The following MICAL3 variants were observed in gnomAD, a reference collection of about 807,000 sequenced individuals.
The protein encoded by MICAL3 is microtubule associated monooxygenase, calponin and LIM domain containing 3.
In MICAL3, 62 loss-of-function variants were observed where a neutral mutation model predicts 207.4. The ratio of observed to expected loss-of-function variants is 0.30; its 90% CI spans 0.24 to 0.37. The LOEUF (loss-of-function observed/expected upper bound fraction) is 0.37, where lower values mean the gene tolerates loss of function less well. Ranked by LOEUF, MICAL3 falls within the 10% of genes least tolerant of loss-of-function variation. The probability of loss-of-function intolerance (pLI) is 1.00; values close to 1 mark genes in which losing one functional copy is unlikely to be tolerated. For missense variants in MICAL3, 2,368 were observed against 2,635.6 expected, an observed-to-expected ratio of 0.90 and a Z score of 2.22; for synonymous variants, 1,077 against 1,069.3, an observed-to-expected ratio of 1.01 and a Z score of -0.14.
chr22:17,910,782 C>A (rs1488974718), intron 1 of MICAL3, among the ~76,000 whole-genome samples: 1 of 152,238 alleles, frequency 6.6e-6, no homozygotes, highest in Non-Finnish European at 1.5e-5. Context: ...GCTCTGACAA[C>A]AGCCGGGAAG....
chr22:17,996,519 G>A (rs1197077627), intron 1 of MICAL3, among the ~76,000 whole-genome samples: 1 of 151,222 alleles, frequency 6.6e-6, no homozygotes, highest in Non-Finnish European at 1.5e-5. Context: ...CAGTTTTTTT[G>A]TGTCTTTATA....
chr22:17,997,992 T>C (rs934789402), intron 1 of MICAL3, among the ~76,000 whole-genome samples: 13 of 151,578 alleles, frequency 8.6e-5, no homozygotes, highest in Admixed American at 2.0e-4. Context: ...AAGGTCTCAG[T>C]GAAGTGAAAC....
At chr22:17,890,943 G>T (rs532464398) in intron 12 of MICAL3, among the ~76,000 whole-genome samples, 1 of 152,304 alleles carries the variant, frequency 6.6e-6, no homozygotes, top group Admixed American at 6.5e-5. Flanking sequence ...TAGGTGGGTA[G>T]GACAACAGAG....
At chr22:17,934,997 T>C (rs1388634328) in intron 1 of MICAL3, among the ~76,000 whole-genome samples, 3 of 152,154 alleles carry the variant, frequency 2.0e-5, no homozygotes, top group Admixed American at 1.3e-4. Context: ...TGCTCATGGA[T>C]AGGAAGAATC....
intron 1 of MICAL3, among the ~76,000 whole-genome samples, chr22:18,014,924 T>C (rs1435265077): frequency 5.3e-5 from 8 of 151,884 alleles, no homozygotes; most frequent in East Asian, 1.9e-4. Flanking sequence ...ACCCAGAAGC[T>C]TGCAGTGAGC....
At chr22:17,840,524 G>A (rs866607143) in intron 20 of MICAL3, 3 of 152,216 alleles carry the variant, frequency 2.0e-5, no homozygotes, top group African/African-American at 4.8e-5. Flanking sequence ...AATGCCAGGG[G>A]TTAGCCTTCC....
chr22:17,946,036 C>T (rs993945931), intron 1 of MICAL3, among the ~76,000 whole-genome samples: 1 of 152,174 alleles, frequency 6.6e-6, no homozygotes, highest in Non-Finnish European at 1.5e-5. Flanking sequence ...CGGAAATCCT[C>T]GCTAGTAACA....
rs895107050 is a variant in MICAL3 at position 17,969,761 on chromosome 22, G to A, written c.-75+54520C>T. Among the ~76,000 whole-genome samples the A allele has an allele frequency of 3.9e-5, 6 of 152,360 alleles. No individual in the cohort carries two copies. In the East Asian group the frequency reaches 1.2e-3, roughly 29 times the overall value. Reference sequence around the variant, plus strand: ...CGATGCTGCTAGCCAGAACAGCTGTGAGAAGCGCAGCGTCTAGGATGGCCT... The same window carrying A: ...CGATGCTGCTAGCCAGAACAGCTGTAAGAAGCGCAGCGTCTAGGATGGCCT... On this transcript the variant is annotated intron_variant, in intron 1 of 31. Coordinates refer to ENST00000441493, the MANE Select transcript of MICAL3 (RefSeq NM_015241.3).
intron 27 of MICAL3, chr22:17,813,154 G>C (rs566728591): frequency 6.6e-6 from 1 of 152,352 alleles, no homozygotes; most frequent in Non-Finnish European, 1.5e-5. Context: ...CCATCAGTAA[G>C]TGCTGTTCAC....
At chr22:17,899,747 A>T (rs1486410074) in intron 6 of MICAL3, among the ~76,000 whole-genome samples, 199 bp from the exon 7 acceptor site, 1 of 152,146 alleles carries the variant, frequency 6.6e-6, no homozygotes, top group Non-Finnish European at 1.5e-5. Context: ...GTATTCACTC[A>T]ACACCCCAAA....
intron 1 of MICAL3, among the ~76,000 whole-genome samples, chr22:17,915,778 A>C (rs2146286890): frequency 6.6e-6 from 1 of 152,192 alleles, no homozygotes. Context: ...TCATTTCTCA[A>C]GGATTCGATT....
At position 17,961,708 on chromosome 22, in the gene MICAL3, TG is replaced by T. The variant is rs1403220172; in HGVS notation, c.-74-54823del. 4.6e-5 allele frequency among the ~76,000 whole-genome samples: 7 copies of T among 152,186 alleles called. No individual in the cohort carries two copies. The East Asian group carries it at 1.4e-3, about 29-fold the overall frequency. ...AGGTGGCCCAGACTTGGGGTGTGGGTGGGAGAACAAGGCCTGCACCCCTAAC... is the reference window on the plus strand; with the variant it reads ...AGGTGGCCCAGACTTGGGGTGTGGGTGGAGAACAAGGCCTGCACCCCTAAC... On this transcript the variant is annotated intron_variant, in intron 1 of 31. Coordinates refer to ENST00000441493, the MANE Select transcript of MICAL3 (RefSeq NM_015241.3).
At chr22:18,022,776 GT>G (rs1405606732) in intron 1 of MICAL3, among the ~76,000 whole-genome samples, 2 of 152,124 alleles carry the variant, frequency 1.3e-5, no homozygotes, top group Admixed American at 6.5e-5. Context: ...TGAGTGGGTG[GT>G]GGGGGGATAT....
At chr22:18,005,950 C>G (rs1287897596) in intron 1 of MICAL3, 1 of 152,156 alleles carries the variant, frequency 6.6e-6, no homozygotes, top group Non-Finnish European at 1.5e-5. Flanking sequence ...TGTGTGGGAG[C>G]AGCAAACTTT....
chr22:17,875,345 A>T, intron 16 of MICAL3: 1 of 637,350 alleles, frequency 1.6e-6, no homozygotes, highest in Non-Finnish European at 2.5e-6. Flanking sequence ...GACGGGCCCA[A>T]GTGAGGAACA....
intron 3 of MICAL3, 31 bp downstream of exon 3, chr22:17,904,601 G>A: frequency 6.5e-7 from 1 of 1,536,476 alleles, no homozygotes; most frequent in East Asian, 2.2e-5. Flanking sequence ...GGGGTAGGGT[G>A]GAATCTTACA....
intron 17 of MICAL3, among the ~76,000 whole-genome samples, chr22:17,866,790 G>A (rs185690045): frequency 1.4e-4 from 22 of 152,340 alleles, no homozygotes; most frequent in Non-Finnish European, 2.4e-4. Flanking sequence ...GGGGGGTGTC[G>A]TCAGAAAAAT....
chr22:17,989,603 C>T (rs1346159254), intron 1 of MICAL3, among the ~76,000 whole-genome samples: 2 of 152,184 alleles, frequency 1.3e-5, no homozygotes, highest in African/African-American at 4.8e-5. Context: ...CCACATCTCA[C>T]TTAAGACAAT....
At chr22:17,858,377 G>A (rs1926150314) in intron 19 of MICAL3, 3 of 697,920 alleles carry the variant, frequency 4.3e-6, no homozygotes, top group South Asian at 6.4e-5. Flanking sequence ...CTTGTGAGGC[G>A]CTTGGCTGGG....
Sources: gnomAD v4.1 joint callset for allele counts (sites outside exome capture counted in the v4.1 genomes callset) on GRCh38, gnomAD v4.1.1 for gene constraint, MANE v1.5 for transcripts, NCBI Gene and HGNC (gene_info 2026-07-23, HGNC 2026-07-21) for gene names.